NDRG3: variants seen among roughly 807,000 people sequenced by gnomAD.
NDRG3 encodes the protein NDRG family member 3.
Under a neutral mutation model 57.2 loss-of-function variants are expected in NDRG3, and 23 were observed. The ratio of observed to expected loss-of-function variants is 0.40; its 90% CI spans 0.29 to 0.57. The LOEUF is 0.57. Among genes scored for constraint, NDRG3 ranks in the 20% least tolerant of loss-of-function variants. The pLI, the probability that NDRG3 is intolerant of heterozygous loss-of-function variation, is 0.42. For missense variants in NDRG3, 384 were observed against 457.3 expected, an observed-to-expected ratio of 0.84 and a Z score of 1.46; for synonymous variants, 132 against 162.6, an observed-to-expected ratio of 0.81 and a Z score of 1.43.
intron 12 of NDRG3, among the ~76,000 whole-genome samples, chr20:36,661,057 G>T (rs1289247072): frequency 6.6e-6 from 1 of 152,160 alleles, no homozygotes; most frequent in Admixed American, 6.6e-5. Context: ...GTCCTCTCCT[G>T]CTGGGATCTT....
At chr20:36,698,857 T>C (rs1350705592) in intron 3 of NDRG3, among the ~76,000 whole-genome samples, 2 of 152,112 alleles carry the variant, frequency 1.3e-5, no homozygotes, top group Non-Finnish European at 2.9e-5. Context: ...AAAGGATATA[T>C]ATTAAAAATA....
intron 3 of NDRG3, among the ~76,000 whole-genome samples, chr20:36,689,263 C>A (rs1982057224): frequency 6.6e-6 from 1 of 152,086 alleles, no homozygotes; most frequent in African/African-American, 2.4e-5. Flanking sequence ...TCCTACTTTC[C>A]AATTCTTCCA....
chr20:36,678,959 T>C (rs1270106922), intron 8 of NDRG3, among the ~76,000 whole-genome samples: 2 of 152,252 alleles, frequency 1.3e-5, no homozygotes, highest in East Asian at 3.8e-4. Context: ...TTTTTATTTT[T>C]GTTTTCTTTG....
In NDRG3 at chr20:36,653,959, G is replaced by A. The variant is rs186381946; in HGVS notation, c.947-258C>T. Among the ~76,000 whole-genome samples the A allele has an allele frequency of 5.3e-5, 8 of 152,302 alleles. No homozygotes were observed. In the East Asian group the frequency reaches 1.5e-3, roughly 29 times the overall value. On this transcript the variant is annotated intron_variant, in intron 15 of 15. Transcript: ENST00000349004. This position sits in a 1 kb window ranked among gnomAD's most constrained non-coding sequence, Gnocchi z 4.2. ...AACAAGGGGAAACCCTAAATCCAGA[G>A]TATAGCCTCTTAACTATGCCCACAC...
chr20:36,687,751 G>T, intron 4 of NDRG3, 139 bp from the exon 5 acceptor site: 1 of 967,588 alleles, frequency 1.0e-6, no homozygotes, highest in Non-Finnish European at 1.5e-6. Flanking sequence ...TGAACAATCT[G>T]TCTGATTCAA....
intron 1 of NDRG3, among the ~76,000 whole-genome samples, chr20:36,727,597 C>CA (rs1409316649): frequency 6.7e-6 from 1 of 148,486 alleles, no homozygotes; most frequent in Non-Finnish European, 1.5e-5. Flanking sequence ...GGCTGGAGTG[C>CA]AGTGGCACAT....
intron 2 of NDRG3, among the ~76,000 whole-genome samples, chr20:36,714,998 G>C (rs1434150285): frequency 1.8e-5 from 1 of 56,882 alleles, no homozygotes; most frequent in South Asian, 5.8e-4. Flanking sequence ...GTGTGTGTGT[G>C]TGTGTGTGTA....
chr20:36,677,834 A>C (rs1247459653), intron 8 of NDRG3, among the ~76,000 whole-genome samples: 1 of 152,204 alleles, frequency 6.6e-6, no homozygotes, highest in Admixed American at 6.5e-5. Context: ...GATGCAGGAC[A>C]GGAACTCAGG....
At chr20:36,734,591 G>A (rs977607492) in intron 1 of NDRG3, among the ~76,000 whole-genome samples, 1 of 152,034 alleles carries the variant, frequency 6.6e-6, no homozygotes, top group Non-Finnish European at 1.5e-5. Context: ...GTTACAGTTC[G>A]AGGCAGTATA....
At chr20:36,728,709 T>C (rs1161131705) in intron 1 of NDRG3, among the ~76,000 whole-genome samples, 2 of 151,904 alleles carry the variant, frequency 1.3e-5, no homozygotes, top group Non-Finnish European at 2.9e-5. Flanking sequence ...GTTCAAGGCA[T>C]TTTGGTTTTT....
chr20:36,740,839 T>G (rs1285993481), intron 1 of NDRG3, among the ~76,000 whole-genome samples: 2 of 152,160 alleles, frequency 1.3e-5, no homozygotes, highest in African/African-American at 4.8e-5. Flanking sequence ...AACAATTAAT[T>G]GTAGGTAAAT....
At chr20:36,715,004 GTGTATATATATATATA>G (rs1453154493) in intron 2 of NDRG3, among the ~76,000 whole-genome samples, 690 of 32,402 alleles carry the variant, frequency 0.021, 12 homozygotes, top group African/African-American at 0.063. Flanking sequence ...GTGTGTGTGT[GTGTATATATATATATA>G]TATATATATA....
intron 6 of NDRG3, among the ~76,000 whole-genome samples, chr20:36,683,432 C>A (rs1161270719): frequency 6.7e-6 from 1 of 150,122 alleles, no homozygotes; most frequent in African/African-American, 2.4e-5. Context: ...TGGCCAACAT[C>A]ATGAAACCCC....
chr20:36,680,315 T>C (rs1981150391), intron 8 of NDRG3, among the ~76,000 whole-genome samples: 1 of 151,376 alleles, frequency 6.6e-6, no homozygotes, highest in African/African-American at 2.4e-5. Flanking sequence ...TGAAACCTGG[T>C]CTCTCCTAAA....
At chr20:36,698,682 T>C (rs1983002690) in intron 3 of NDRG3, among the ~76,000 whole-genome samples, 1 of 152,092 alleles carries the variant, frequency 6.6e-6, no homozygotes, top group Non-Finnish European at 1.5e-5. Flanking sequence ...CAACCTTCTC[T>C]ATAATGTCAA....
Position 36,651,867 on chromosome 20 carries a change from T to C in NDRG3, c.*1653A>G, listed in dbSNP as rs1978312703. On this transcript the variant is annotated 3_prime_UTR_variant, in exon 16 of 16. Transcript: ENST00000349004. Reference sequence around the variant, plus strand: ...TTATCTCAGCAGAAAGCAAACAGTCTGTCTGAAAAGCCCCTTCCCAAGATT... The same window carrying C: ...TTATCTCAGCAGAAAGCAAACAGTCCGTCTGAAAAGCCCCTTCCCAAGATT... The C allele has an allele frequency of 6.6e-6, 1 of 152,252 alleles. No homozygotes were observed. The highest frequency in any genetic ancestry group is 2.4e-5 in the African/African-American group (1 of 41,468). 9.4% of individuals were successfully genotyped at this position (152,252 alleles called of 1,614,324 possible).
chr20:36,730,953 A>AG lies in NDRG3; in HGVS notation c.-48-9171dup, dbSNP rs568664156. Among the ~76,000 whole-genome samples the AG allele has an allele frequency of 1.9e-4, 29 of 151,846 alleles. No individual in the cohort carries two copies. In the East Asian group the frequency reaches 5.0e-3, roughly 26 times the overall value. ...ATGCTGTCTCGAAAAAAAAAAAAAA[A>AG]GAAAGAAAGAAAAAAAGTAGAACAA... On this transcript the variant is annotated intron_variant, in intron 1 of 15. Transcript: ENST00000349004.
chr20:36,714,443 CTTTTTTTTTTT>C (rs775474273), intron 2 of NDRG3, among the ~76,000 whole-genome samples: 1 of 124,826 alleles, frequency 8.0e-6, no homozygotes, highest in African/African-American at 2.9e-5. Flanking sequence ...TCATTTTCTT[CTTTTTTTTTTT>C]TTTTTAGACA....
chr20:36,692,852 T>A (rs1372677686), intron 3 of NDRG3, among the ~76,000 whole-genome samples: 2 of 151,034 alleles, frequency 1.3e-5, no homozygotes, highest in Non-Finnish European at 2.9e-5. Context: ...GGTGAGAGGA[T>A]CGCTTGAGCC....
Sources: gnomAD v4.1 joint callset for allele counts (sites outside exome capture counted in the v4.1 genomes callset) on GRCh38, gnomAD v4.1.1 for gene constraint, Gnocchi (gnomAD v3.1) non-coding constraint, MANE v1.5 for transcripts, NCBI Gene and HGNC (gene_info 2026-07-23, HGNC 2026-07-21) for gene names.